The following KIAA1328 variants were observed in gnomAD, a reference collection of about 807,000 sequenced individuals.
The protein encoded by KIAA1328 is KIAA1328.
A neutral mutation model predicts 68.1 loss-of-function variants in KIAA1328; 52 were observed. That is an observed-to-expected ratio of 0.76 (90% CI 0.61 to 0.96). The LOEUF (loss-of-function observed/expected upper bound fraction) is 0.96. Ranked by LOEUF, KIAA1328 falls within the 40% of genes least tolerant of loss-of-function variation. KIAA1328 has a pLI of 0.00. For missense variants in KIAA1328, 641 were observed against 677.6 expected, an observed-to-expected ratio of 0.95 and a Z score of 0.60; for synonymous variants, 232 against 239.4, an observed-to-expected ratio of 0.97 and a Z score of 0.28.
At chr18:36,859,603 CTTTCTCTG>C (rs1568086842) in intron 4 of KIAA1328, among the ~76,000 whole-genome samples, 1 of 144,694 alleles carries the variant, frequency 6.9e-6, no homozygotes, top group Non-Finnish European at 1.5e-5. Context: ...CTCACTCTCT[CTTTCTCTG>C]TTTCTCTCTT....
At chr18:36,832,747 A>C (rs2046536275) in intron 1 of KIAA1328, 1 of 152,190 alleles carries the variant, frequency 6.6e-6, no homozygotes, top group Non-Finnish European at 1.5e-5. Flanking sequence ...ACAACACTGA[A>C]CAAAATAAAA....
intron 5 of KIAA1328, among the ~76,000 whole-genome samples, chr18:36,911,447 C>G (rs905435221): frequency 7.9e-5 from 12 of 152,120 alleles, no homozygotes; most frequent in African/African-American, 2.9e-4. Flanking sequence ...AAAAACAGAC[C>G]TTGGTTATAT....
intron 4 of KIAA1328, among the ~76,000 whole-genome samples, chr18:36,865,756 C>A (rs1265864900): frequency 6.6e-6 from 1 of 152,158 alleles, no homozygotes; most frequent in Admixed American, 6.5e-5. Flanking sequence ...TACACTCTGT[C>A]TAAATGCCCT....
At chr18:37,077,849 A>C (rs1278797944) in intron 7 of KIAA1328, among the ~76,000 whole-genome samples, 5 of 151,872 alleles carry the variant, frequency 3.3e-5, no homozygotes, top group Non-Finnish European at 4.4e-5. Flanking sequence ...AAATGGAAGA[A>C]CATTCCATGC....
intron 6 of KIAA1328, among the ~76,000 whole-genome samples, chr18:37,058,441 G>A (rs545498615): frequency 1.3e-5 from 2 of 152,310 alleles, no homozygotes; most frequent in Admixed American, 1.3e-4. Flanking sequence ...GGCTGGGCAT[G>A]GTGGCTCATG....
At chr18:37,227,478 T>C (rs2154228195), downstream of KIAA1328, among the ~76,000 whole-genome samples, 1 of 152,352 alleles carries the variant, frequency 6.6e-6, no homozygotes, top group East Asian at 1.9e-4. Context: ...AGTTAGTGAC[T>C]TTAAGTTAAA....
intron 9 of KIAA1328, among the ~76,000 whole-genome samples, chr18:37,184,812 T>G (rs2059763579): frequency 6.6e-6 from 1 of 152,124 alleles, no homozygotes; most frequent in Non-Finnish European, 1.5e-5. Context: ...AAATGAACAT[T>G]TCTAAAAATA....
chr18:37,229,612 A>G, downstream of KIAA1328: 1 of 1,259,956 alleles, frequency 7.9e-7, no homozygotes, highest in Non-Finnish European at 1.0e-6. Flanking sequence ...GCGGTGGCTT[A>G]CACCTGTAAT....
intron 3 of KIAA1328, among the ~76,000 whole-genome samples, chr18:36,837,881 T>C (rs1318681072): frequency 1.3e-5 from 2 of 152,162 alleles, no homozygotes; most frequent in South Asian, 4.1e-4. Flanking sequence ...TTGTCAAATA[T>C]CTGTTGACCA....
chr18:37,079,396 G>A (rs1242853050), intron 7 of KIAA1328, among the ~76,000 whole-genome samples: 1 of 139,476 alleles, frequency 7.2e-6, no homozygotes, highest in Non-Finnish European at 1.5e-5. Flanking sequence ...CGAGTTAATG[G>A]GTGCAGCACA....
chr18:37,120,290 T>C (rs767768515), intron 7 of KIAA1328, among the ~76,000 whole-genome samples: 38 of 152,296 alleles, frequency 2.5e-4, no homozygotes, highest in South Asian at 2.3e-3. Flanking sequence ...AATTTAGTTA[T>C]GCTGACTCCC....
intron 9 of KIAA1328, among the ~76,000 whole-genome samples, chr18:37,213,556 C>A (rs1223656758): frequency 6.6e-6 from 1 of 152,128 alleles, no homozygotes; most frequent in African/African-American, 2.4e-5. Context: ...CATTGATGGA[C>A]ATTTGGGTTG....
rs530954028 is a variant in KIAA1328, at chr18:37,112,307, C to A, written c.1232+44762C>A. ...GACTGATACTTCATACAGTCGGGTG[C>A]CCCTCTGAAATGAAACTTCCAGAGG... On this transcript the variant is annotated intron_variant, in intron 7 of 9. Transcript: ENST00000280020. Among the ~76,000 whole-genome samples, 12 of 152,252 alleles carry A rather than the reference C, an allele frequency of 7.9e-5. No homozygotes were observed. The East Asian group carries it at 2.3e-3, about 30-fold the overall frequency.
chr18:37,026,983 C>G (rs569675641), intron 6 of KIAA1328, among the ~76,000 whole-genome samples: 2 of 152,198 alleles, frequency 1.3e-5, no homozygotes, highest in Non-Finnish European at 2.9e-5. Flanking sequence ...CCCATCTTCT[C>G]AGCCCAAAAT....
chr18:37,211,933 AT>A (rs1377743059), intron 9 of KIAA1328, among the ~76,000 whole-genome samples: 1 of 152,138 alleles, frequency 6.6e-6, no homozygotes, highest in Non-Finnish European at 1.5e-5. Flanking sequence ...TTTTGGCTCT[AT>A]TTTTTAATAG....
rs78607210 is a variant in KIAA1328, at chr18:37,132,669, A to G, written c.1233-27531A>G. Reference sequence around the variant, plus strand: ...GGATGGTATTTTTAAAGTTTATCACAAGACTTTTATTGATAATATAGGAAT... The same window carrying G: ...GGATGGTATTTTTAAAGTTTATCACGAGACTTTTATTGATAATATAGGAAT... On this transcript the variant is annotated intron_variant, in intron 7 of 9. Coordinates refer to ENST00000280020, the MANE Select transcript of KIAA1328 (RefSeq NM_020776.3). Among the ~76,000 whole-genome samples, 156 of 152,314 alleles carry G rather than the reference A, an allele frequency of 1.0e-3. 2 individuals carry two copies. Among genetic ancestry groups the G allele is most frequent in the African/African-American group, 3.7e-3 (154 of 41,562 alleles).
intron 7 of KIAA1328, among the ~76,000 whole-genome samples, chr18:37,096,539 T>A (rs372786277): frequency 6.6e-6 from 1 of 152,196 alleles, no homozygotes. Context: ...AATAAACATA[T>A]GTGTGCATGT....
intron 7 of KIAA1328, among the ~76,000 whole-genome samples, chr18:37,085,655 C>T (rs2057080917): frequency 1.3e-5 from 2 of 152,068 alleles, no homozygotes; most frequent in Admixed American, 6.6e-5. Context: ...TATTTATATC[C>T]ATATTTCTGA....
At chr18:37,035,301 C>A (rs2054981635) in intron 6 of KIAA1328, among the ~76,000 whole-genome samples, 1 of 152,202 alleles carries the variant, frequency 6.6e-6, no homozygotes, top group Admixed American at 6.5e-5. Flanking sequence ...ATCACCTGGG[C>A]ACTTTTGAAA....
Sources: allele counts gnomAD v4.1 joint callset (sites outside exome capture counted in the v4.1 genomes callset), GRCh38; gene constraint gnomAD v4.1.1; transcripts MANE v1.5; gene names NCBI Gene and HGNC (gene_info 2026-07-23, HGNC 2026-07-21).